The following NFATC2 variants were observed in gnomAD, a reference collection of about 807,000 sequenced individuals.
The protein encoded by NFATC2 is nuclear factor of activated T-cells, cytoplasmic 2.
NFATC2 carries 22 observed loss-of-function variants against 87.3 expected under a neutral mutation model. That is an observed-to-expected ratio of 0.25 (90% CI 0.18 to 0.36). The LOEUF (loss-of-function observed/expected upper bound fraction) is 0.36. Among genes scored for constraint, NFATC2 ranks in the 10% least tolerant of loss-of-function variants. NFATC2 has a pLI of 1.00. For synonymous variants in NFATC2, 565 were observed against 542.2 expected (o/e 1.04, Z -0.58); for missense variants, 1,149 against 1,259.1 (o/e 0.91, Z 1.32).
intron 8 of NFATC2, among the ~76,000 whole-genome samples, chr20:51,434,200 C>G (rs534722618): frequency 1.8e-5 from 1 of 55,896 alleles, no homozygotes; most frequent in African/African-American, 1.3e-4. Flanking sequence ...GCAAGGCTGC[C>G]AGGGCAGTCA....
At chr20:51,517,554 T>C (rs905649797) in intron 2 of NFATC2, among the ~76,000 whole-genome samples, 4 of 151,148 alleles carry the variant, frequency 2.6e-5, no homozygotes, top group African/African-American at 9.7e-5. Context: ...ATTGCACCAC[T>C]GCACTCCAGA....
chr20:51,511,011 A>T (rs1381590703), intron 3 of NFATC2, among the ~76,000 whole-genome samples: 1 of 152,244 alleles, frequency 6.6e-6, no homozygotes, highest in African/African-American at 2.4e-5. Context: ...TATGGCCAAA[A>T]CTGAAAAATC....
intron 3 of NFATC2, among the ~76,000 whole-genome samples, chr20:51,482,192 C>G (rs1012927759): frequency 6.6e-6 from 1 of 151,908 alleles, no homozygotes; most frequent in Non-Finnish European, 1.5e-5. Context: ...CAATAAGAAC[C>G]CAGAGACACA....
At chr20:51,473,341 AGGGTGGGGGACAGGGCAT>A (rs942721148) in intron 5 of NFATC2, among the ~76,000 whole-genome samples, 6 of 149,808 alleles carry the variant, frequency 4.0e-5, no homozygotes, top group Non-Finnish European at 7.4e-5. Context: ...GTGCGGGGAC[AGGGTGGGGGACAGGGCAT>A]GGGTGGGGGA....
chr20:51,536,069 G>C (rs1348213406), intron 1 of NFATC2, among the ~76,000 whole-genome samples: 2 of 152,120 alleles, frequency 1.3e-5, no homozygotes. Context: ...CCATCCACCG[G>C]GATGGAGAAA....
intron 9 of NFATC2, among the ~76,000 whole-genome samples, chr20:51,418,022 T>G (rs1244957021): frequency 6.6e-6 from 1 of 152,150 alleles, no homozygotes; most frequent in African/African-American, 2.4e-5. Flanking sequence ...GAATGAAGGC[T>G]CTGAATCAAG....
intron 2 of NFATC2, 87 bp from the exon 3 acceptor site, chr20:51,517,042 A>C: frequency 7.6e-7 from 1 of 1,307,882 alleles, no homozygotes. Context: ...CTTTCTGAAA[A>C]TCATGGATAC....
intron 5 of NFATC2, among the ~76,000 whole-genome samples, chr20:51,469,649 C>T (rs1988014682): frequency 6.6e-6 from 1 of 151,802 alleles, no homozygotes; most frequent in African/African-American, 2.4e-5. Flanking sequence ...AGGTCTAAAC[C>T]CAATAAGTGC....
intron 6 of NFATC2, among the ~76,000 whole-genome samples, chr20:51,454,201 G>A (rs1398484594): frequency 6.6e-6 from 1 of 152,128 alleles, no homozygotes; most frequent in African/African-American, 2.4e-5. Flanking sequence ...GCCAGAGTAT[G>A]CATGCTTTAT....
In NFATC2 at chr20:51,523,580, A is replaced by T; in HGVS notation, c.661T>A (p.Ser221Thr). The T allele has an allele frequency of 6.2e-7, 1 of 1,613,782 alleles. No homozygotes were observed. Among genetic ancestry groups the T allele is most frequent in the Non-Finnish European group, 8.5e-7 (1 of 1,179,812 alleles). Residue 221 changes from serine to threonine, a missense_variant, in exon 2 of 11, where the codon TCA becomes ACA. By Grantham distance (58) the Ser-to-Thr change is moderately conservative. Coordinates refer to ENST00000371564, the MANE Select transcript of NFATC2 (RefSeq NM_012340.5). This position sits in a 1 kb window ranked among gnomAD's most constrained non-coding sequence, Gnocchi z 6.9. ...HYSPRTSPIM[S>T]PRTSLAEDSC... ...TCCTCGGCGAGGCTGGTTCGAGGTG[A>T]CATTATTGGCGAGGTTCTGGGGGAA...
intron 9 of NFATC2, among the ~76,000 whole-genome samples, chr20:51,407,245 C>G (rs1002178855): frequency 8.5e-5 from 13 of 152,188 alleles, no homozygotes; most frequent in African/African-American, 2.9e-4. Context: ...GAACGGCAAG[C>G]AGGCCTCCGT....
At chr20:51,477,896 G>A (rs970368782) in intron 3 of NFATC2, among the ~76,000 whole-genome samples, 2 of 152,090 alleles carry the variant, frequency 1.3e-5, no homozygotes, top group Non-Finnish European at 2.9e-5. Context: ...AAGTAAAATT[G>A]AAAATTCAGT....
At chr20:51,423,724 G>A (rs1467967383) in intron 9 of NFATC2, among the ~76,000 whole-genome samples, 1 of 152,182 alleles carries the variant, frequency 6.6e-6, no homozygotes, top group African/African-American at 2.4e-5. Flanking sequence ...GAATGACACT[G>A]GATGCTGCCT....
chr20:51,548,934 T>C (rs748425354), intron 1 of NFATC2, among the ~76,000 whole-genome samples: 13 of 152,206 alleles, frequency 8.5e-5, no homozygotes, highest in Non-Finnish European at 1.6e-4. Context: ...CTGTAATTAT[T>C]TGTAGAGAAA....
intron 1 of NFATC2, among the ~76,000 whole-genome samples, chr20:51,531,543 G>A (rs1412592219): frequency 1.3e-5 from 2 of 152,134 alleles, no homozygotes; most frequent in East Asian, 1.9e-4. Context: ...AGAGCTCTAC[G>A]CTGAGATCCA....
intron 5 of NFATC2, among the ~76,000 whole-genome samples, chr20:51,465,598 T>A (rs1305712869): frequency 1.3e-5 from 2 of 152,150 alleles, no homozygotes; most frequent in South Asian, 4.1e-4. Context: ...TTGTACTGGC[T>A]ATACTTCCCC....
At chr20:51,428,007 A>T (rs1040104035) in intron 9 of NFATC2, among the ~76,000 whole-genome samples, 13 of 152,224 alleles carry the variant, frequency 8.5e-5, no homozygotes, top group African/African-American at 3.1e-4. Context: ...AACAGTGTCC[A>T]GCACAGAGTA....
At chr20:51,491,715 G>A (rs975283862) in intron 3 of NFATC2, among the ~76,000 whole-genome samples, 1 of 151,756 alleles carries the variant, frequency 6.6e-6, no homozygotes, top group Non-Finnish European at 1.5e-5. Context: ...CCACGAAAAC[G>A]GGCTCCAGGA....
Position 51,454,550 on chromosome 20 carries a change from G to A in NFATC2, c.1847C>T (p.Thr616Ile), listed in dbSNP as rs780202379. ...ESKVVFTEKT[T>I]DGQQIWEMEA... ...AAAGAGCTCAAAAATCCACTGACCT[G>A]TGGTCTTCTCAGTAAACACAACTTT... The change falls in exon 6 of 11, where the codon ACA becomes ATA. Residue 616 changes from threonine (T) to isoleucine (I), a missense_variant and splice_region_variant. This residue lies in a region of NFATC2 where 581 missense variants were observed against 649.7 expected (regional missense o/e 0.89). Transcript: ENST00000371564. 1 of 1,614,010 alleles carries A rather than the reference G, an allele frequency of 6.2e-7. No individual in the cohort carries two copies. The highest frequency in any genetic ancestry group is 8.5e-7 in the Non-Finnish European group (1 of 1,180,006).
Sources: allele counts gnomAD v4.1 joint callset (sites outside exome capture counted in the v4.1 genomes callset), GRCh38; gene constraint gnomAD v4.1.1; regional missense constraint gnomAD v4.1.1; non-coding constraint Gnocchi (gnomAD v3.1); transcripts MANE v1.5; gene names NCBI Gene and HGNC (gene_info 2026-07-23, HGNC 2026-07-21).